The following SMIM20 variants were observed in gnomAD, a reference collection of about 807,000 sequenced individuals.
SMIM20 encodes the protein small integral membrane protein 20.
SMIM20 carries 3 observed loss-of-function variants against 8.7 expected under a neutral mutation model. That is an observed-to-expected ratio of 0.34 (90% CI 0.16 to 0.89). SMIM20 has a LOEUF of 0.89. Ranked by LOEUF, SMIM20 falls within the 40% of genes least tolerant of loss-of-function variation. The pLI is 0.49. For synonymous variants in SMIM20, 44 were observed against 33.6 expected (o/e 1.31, Z -1.07); for missense variants, 85 against 84.8 (o/e 1.00, Z -0.01).
intron 1 of SMIM20, among the ~76,000 whole-genome samples, chr4:25,921,698 A>G (rs925403597): frequency 6.6e-6 from 1 of 152,202 alleles, no homozygotes; most frequent in Non-Finnish European, 1.5e-5. Flanking sequence ...GCTGGGAATC[A>G]GGTCACTGCA....
intron 1 of SMIM20, among the ~76,000 whole-genome samples, chr4:25,925,906 C>T (rs987480857): frequency 2.6e-5 from 4 of 152,210 alleles, no homozygotes; most frequent in African/African-American, 9.7e-5. Flanking sequence ...ACTTTGGCCC[C>T]TGGACCAGAG....
At chr4:25,917,901 T>C (rs1045930195) in intron 1 of SMIM20, among the ~76,000 whole-genome samples, 1 of 152,012 alleles carries the variant, frequency 6.6e-6, no homozygotes, top group African/African-American at 2.4e-5. Context: ...CTGACACTGG[T>C]CAAGACTTGC....
intron 1 of SMIM20, among the ~76,000 whole-genome samples, chr4:25,927,798 A>C (rs1283950701): frequency 6.6e-6 from 1 of 152,250 alleles, no homozygotes; most frequent in Non-Finnish European, 1.5e-5. Context: ...CAATTAGGGA[A>C]GCTTCAATTA....
At chr4:25,924,361 C>T (rs975131324) in intron 1 of SMIM20, among the ~76,000 whole-genome samples, 4 of 152,092 alleles carry the variant, frequency 2.6e-5, no homozygotes, top group African/African-American at 9.7e-5. Flanking sequence ...GAAACTCAAA[C>T]TTGGGGAGGC....
intron 1 of SMIM20, among the ~76,000 whole-genome samples, chr4:25,921,256 G>T (rs919833977): frequency 2.6e-5 from 4 of 152,118 alleles, no homozygotes; most frequent in Non-Finnish European, 5.9e-5. Context: ...GCAAACTGGT[G>T]GGCATGGTGG....
intron 1 of SMIM20, among the ~76,000 whole-genome samples, chr4:25,915,743 T>C (rs888406898): frequency 1.3e-5 from 2 of 151,594 alleles, no homozygotes; most frequent in Non-Finnish European, 1.5e-5. Context: ...TTGCATCCCA[T>C]TGGAAAAGTC....
intron 1 of SMIM20, among the ~76,000 whole-genome samples, chr4:25,926,577 T>A (rs770399946): frequency 6.6e-6 from 1 of 152,248 alleles, no homozygotes; most frequent in Non-Finnish European, 1.5e-5. Flanking sequence ...ATTTCTTTCT[T>A]TTCATTTGGT....
chr4:25,923,103 A>G (rs1719227082), intron 1 of SMIM20, among the ~76,000 whole-genome samples: 1 of 152,210 alleles, frequency 6.6e-6, no homozygotes, highest in Non-Finnish European at 1.5e-5. Context: ...TGAGCGCTGG[A>G]CAGATGATGG....
chr4:25,914,584 CA>C (rs1426117583), intron 1 of SMIM20, among the ~76,000 whole-genome samples, 162 bp downstream of exon 1: 1 of 152,200 alleles, frequency 6.6e-6, no homozygotes, highest in Admixed American at 6.5e-5. Context: ...ACAAGTTGCT[CA>C]ACCTCTAGGA....
At chr4:25,926,938 T>A (rs1339162914) in intron 1 of SMIM20, among the ~76,000 whole-genome samples, 3 of 152,240 alleles carry the variant, frequency 2.0e-5, no homozygotes, top group Non-Finnish European at 4.4e-5. Context: ...ACATCCATAC[T>A]TTGAGACTTA....
intron 1 of SMIM20, among the ~76,000 whole-genome samples, chr4:25,921,014 A>G (rs1314775228): frequency 6.6e-6 from 1 of 152,170 alleles, no homozygotes; most frequent in Non-Finnish European, 1.5e-5. Context: ...CTCAGAATGT[A>G]CTCCCACAGA....
chr4:25,916,709 C>A (rs1297697206), intron 1 of SMIM20, among the ~76,000 whole-genome samples: 1 of 152,056 alleles, frequency 6.6e-6, no homozygotes, highest in African/African-American at 2.4e-5. Context: ...GCATGCACCA[C>A]CAGTCCTGGC....
At chr4:25,927,197 TCTCCATCC>T (rs763214047) in intron 1 of SMIM20, among the ~76,000 whole-genome samples, 19 of 152,250 alleles carry the variant, frequency 1.2e-4, no homozygotes, top group Non-Finnish European at 2.5e-4. Context: ...CTATGTGTTC[TCTCCATCC>T]CTCTTAGACT....
intron 1 of SMIM20, among the ~76,000 whole-genome samples, chr4:25,920,522 T>C (rs1009555442): frequency 1.3e-5 from 2 of 152,230 alleles, no homozygotes; most frequent in Non-Finnish European, 2.9e-5. Flanking sequence ...TCAAAAAGTT[T>C]TAAAAATTTA....
chr4:25,919,935 C>G (rs959954509), intron 1 of SMIM20, among the ~76,000 whole-genome samples: 7 of 152,292 alleles, frequency 4.6e-5, no homozygotes, highest in Admixed American at 1.3e-4. Context: ...TATCTTCACC[C>G]GCGTTCTTTA....
intron 1 of SMIM20, among the ~76,000 whole-genome samples, chr4:25,918,780 C>T (rs1202183202): frequency 1.3e-5 from 2 of 151,644 alleles, no homozygotes; most frequent in Non-Finnish European, 2.9e-5. Flanking sequence ...TCCCAAAGTG[C>T]TGGGATTACA....
intron 1 of SMIM20, among the ~76,000 whole-genome samples, chr4:25,919,436 TC>T (rs1476694970): frequency 6.6e-6 from 1 of 151,868 alleles, no homozygotes; most frequent in African/African-American, 2.4e-5. Context: ...CCTCCTGGAT[TC>T]AAGCAGTTCT....
At chr4:25,919,231 T>C (rs1178737569) in intron 1 of SMIM20, among the ~76,000 whole-genome samples, 1 of 152,200 alleles carries the variant, frequency 6.6e-6, no homozygotes, top group Non-Finnish European at 1.5e-5. Flanking sequence ...CAACATAAAC[T>C]AGATATTTTA....
At chr4:25,915,141 G>A (rs1480530705) in intron 1 of SMIM20, among the ~76,000 whole-genome samples, 3 of 151,990 alleles carry the variant, frequency 2.0e-5, no homozygotes, top group Admixed American at 6.5e-5. Flanking sequence ...TTGTTTTTCC[G>A]ATTCTGCTTG....
Sources: allele counts gnomAD v4.1 joint callset (sites outside exome capture counted in the v4.1 genomes callset), GRCh38; gene constraint gnomAD v4.1.1; transcripts MANE v1.5; gene names NCBI Gene and HGNC (gene_info 2026-07-23, HGNC 2026-07-21).